The following CP variants were observed in gnomAD, a reference collection of about 807,000 sequenced individuals.
CP encodes the protein caeruloplasmin.
A neutral mutation model predicts 122.4 loss-of-function variants in CP; 64 were observed. The observed-to-expected ratio is 0.52, with a 90% confidence interval of 0.43 to 0.64. The LOEUF (loss-of-function observed/expected upper bound fraction) is 0.64, where lower values mean the gene tolerates loss of function less well. CP is among the 30% of genes least tolerant of loss of function. CP has a pLI of 0.00. For synonymous variants in CP, 440 were observed against 436.4 expected, an observed-to-expected ratio of 1.01 and a Z score of -0.10; for missense variants, 1,167 against 1,284.4, an observed-to-expected ratio of 0.91 and a Z score of 1.40.
intron 5 of CP, chr3:149,163,731 A>G (rs1724119380): frequency 2.9e-6 from 2 of 679,354 alleles, no homozygotes; most frequent in Admixed American, 4.8e-5. Context: ...GAAAGTATAT[A>G]CCTAATTCTA....
Position 149,210,148 on chromosome 3 carries a change from C to G in CP, c.607+19G>C, listed in dbSNP as rs771880721. The G allele has an allele frequency of 6.2e-7, 1 of 1,611,330 alleles. No homozygotes were observed. The highest frequency in any genetic ancestry group is 8.5e-7 in the Non-Finnish European group (1 of 1,177,700). On this transcript the variant is annotated intron_variant, in intron 3 of 18. Coordinates refer to ENST00000264613, the MANE Select transcript of CP (RefSeq NM_000096.4). ...CTGTCTTTTGGTCATATAGCATGTG[C>G]AATAAGGAGAAGATGTACCTTTTTT...
intron 9 of CP, among the ~76,000 whole-genome samples, chr3:149,191,434 AT>A (rs1184612533): frequency 6.6e-6 from 1 of 151,996 alleles, no homozygotes; most frequent in Non-Finnish European, 1.5e-5. Context: ...CTAGCACAGG[AT>A]GTTTTTGGAG....
chr3:149,216,816 G>T (rs1728486666), intron 1 of CP, among the ~76,000 whole-genome samples: 3 of 151,692 alleles, frequency 2.0e-5, no homozygotes, highest in Admixed American at 6.6e-5. Flanking sequence ...TGGTCAGTGT[G>T]AAATGTTAGT....
At position 149,214,336 on chromosome 3, in the gene CP, TAA is replaced by T. The variant is rs368721516; in HGVS notation, c.147-1640_147-1639del. 8.1e-4 allele frequency among the ~76,000 whole-genome samples: 123 copies of T among 152,186 alleles called. 2 individuals carry two copies. The highest frequency in any genetic ancestry group is 2.7e-3 in the African/African-American group (114 of 41,528). On this transcript the variant is annotated intron_variant, in intron 1 of 18. Transcript: ENST00000264613. ...GGGCAGAGTGAGCAGGTGTTGAAAATAAGAGTCACCATTCTCTGGATTGATCA... is the reference window on the plus strand; with the variant it reads ...GGGCAGAGTGAGCAGGTGTTGAAAATGAGTCACCATTCTCTGGATTGATCA...
chr3:149,172,145 G>A, downstream of CP: 7 of 1,613,048 alleles, frequency 4.3e-6, no homozygotes, highest in East Asian at 2.2e-5. Context: ...TTTCATGAAT[G>A]TTCTCCCAGA....
At chr3:149,213,898 A>G (rs1728280519) in intron 1 of CP, among the ~76,000 whole-genome samples, 1 of 152,144 alleles carries the variant, frequency 6.6e-6, no homozygotes, top group African/African-American at 2.4e-5. Flanking sequence ...TGGTTTTTCA[A>G]AAGTCTAAGG....
chr3:149,215,309 T>C (rs1200510608), intron 1 of CP, among the ~76,000 whole-genome samples: 1 of 152,226 alleles, frequency 6.6e-6, no homozygotes, highest in Non-Finnish European at 1.5e-5. Flanking sequence ...TTTCCTAAAA[T>C]AGGAAGAGCA....
At chr3:149,181,895 T>C (rs1725804112) in intron 14 of CP, 110 bp downstream of exon 14, 4 of 1,247,626 alleles carry the variant, frequency 3.2e-6, no homozygotes, top group Admixed American at 1.7e-5. Context: ...TCTTCACAAC[T>C]ACCTCCCTTT....
At chr3:149,172,285 A>G (rs1187141684), downstream of CP, 1 of 1,373,132 alleles carries the variant, frequency 7.3e-7, no homozygotes, top group South Asian at 1.2e-5. Flanking sequence ...TTGAATGCCA[A>G]AGTACAAGTA....
At chr3:149,165,380 T>G (rs1422489772) in intron 5 of CP, among the ~76,000 whole-genome samples, 1 of 152,220 alleles carries the variant, frequency 6.6e-6, no homozygotes. Flanking sequence ...TTTTAAAATA[T>G]TTTAAAAGGA....
At chr3:149,185,521 A>G (rs1313280624) in intron 11 of CP, 75 bp from the exon 12 acceptor site, 2 of 1,374,202 alleles carry the variant, frequency 1.5e-6, no homozygotes, top group African/African-American at 2.8e-5. Context: ...CTCAGAATTA[A>G]TGCTGAAGTC....
intron 5 of CP, among the ~76,000 whole-genome samples, chr3:149,165,365 A>G (rs1724309532): frequency 6.6e-6 from 1 of 152,226 alleles, no homozygotes; most frequent in South Asian, 2.1e-4. Flanking sequence ...ATCTTTTAAA[A>G]TTTGTTTTAA....
Position 149,199,678 on chromosome 3 carries a change from A to G in CP, c.1501+34T>C, listed in dbSNP as rs771711103. The G allele has an allele frequency of 4.3e-6, 7 of 1,613,212 alleles. No homozygotes were observed. The East Asian group carries it at 1.3e-4, about 31-fold the overall frequency. ...TGACCAGTACAGTGGGTTATTAAACATTGTTGATTTGTTACACAGTGCTGT... is the reference window on the plus strand; with the variant it reads ...TGACCAGTACAGTGGGTTATTAAACGTTGTTGATTTGTTACACAGTGCTGT... On this transcript the variant is annotated intron_variant, in intron 8 of 18. Coordinates refer to ENST00000264613, the MANE Select transcript of CP (RefSeq NM_000096.4).
At chr3:149,173,804 T>G (rs1725215706) in intron 18 of CP, 74 bp from the exon 19 acceptor site, 2 of 726,212 alleles carry the variant, frequency 2.8e-6, no homozygotes, top group African/African-American at 3.6e-5. Flanking sequence ...GTTCTTTAAA[T>G]GTATTCCAAT....
intron 10 of CP, among the ~76,000 whole-genome samples, chr3:149,187,496 C>T (rs35229573): frequency 0.059 from 8,947 of 152,196 alleles, 278 homozygotes; most frequent in Middle Eastern, 0.092. Flanking sequence ...ATAAAAATCT[C>T]TGGGGGTATT....
intron 4 of CP, 35 bp from the exon 5 acceptor site, chr3:149,207,652 C>T (rs1049039809): frequency 2.5e-6 from 4 of 1,611,344 alleles, no homozygotes; most frequent in Non-Finnish European, 3.4e-6. Flanking sequence ...GACTAAGAGT[C>T]ATTAATGCTT....
chr3:149,202,577 G>GT (rs1380171863), intron 6 of CP, among the ~76,000 whole-genome samples: 1 of 142,300 alleles, frequency 7.0e-6, no homozygotes, highest in South Asian at 2.3e-4. Context: ...ACAGTGGCTA[G>GT]TTTTTTGTTG....
In CP at chr3:149,221,683, G is replaced by T; in HGVS notation, c.110C>A (p.Ser37Tyr). 1 of 1,613,174 alleles carries T rather than the reference G, an allele frequency of 6.2e-7. No individual in the cohort carries two copies. Among genetic ancestry groups the T allele is most frequent in the Non-Finnish European group, 8.5e-7 (1 of 1,179,706 alleles). Reference protein sequence around the residue: ...GIIETTWDYASDHGEKKLISV... With the variant: ...GIIETTWDYAYDHGEKKLISV... ...AATAAGTTTCTTTTCCCCATGGTCAGAGGCATAATCCCAAGTCGTTTCAAT... is the reference window on the plus strand; with the variant it reads ...AATAAGTTTCTTTTCCCCATGGTCATAGGCATAATCCCAAGTCGTTTCAAT... Residue 37 changes from serine to tyrosine, a missense_variant, in exon 1 of 19, where the codon TCT becomes TAT. By Grantham distance (144) the Ser-to-Tyr change is moderately radical. Transcript: ENST00000264613.
At chr3:149,163,887 G>C in intron 5 of CP, 1 of 1,586,216 alleles carries the variant, frequency 6.3e-7, no homozygotes, top group South Asian at 1.1e-5. Context: ...ATGGGTTCAC[G>C]TCGTAATATC....
Sources: allele counts gnomAD v4.1 joint callset (sites outside exome capture counted in the v4.1 genomes callset), GRCh38; gene constraint gnomAD v4.1.1; transcripts MANE v1.5; gene names NCBI Gene and HGNC (gene_info 2026-07-23, HGNC 2026-07-21).